The following KCNMB3 variants were observed in gnomAD, a reference collection of about 807,000 sequenced individuals.
KCNMB3 encodes potassium calcium-activated channel subfamily M regulatory beta subunit 3, also known as calcium-activated potassium channel subunit beta-3.
KCNMB3 carries 18 observed loss-of-function variants against 11.9 expected under a neutral mutation model. That is an observed-to-expected ratio of 1.51 (90% CI 1.04 to 2.23). The LOEUF (loss-of-function observed/expected upper bound fraction) is 2.23, where lower values mean the gene tolerates loss of function less well. Among genes scored for constraint, KCNMB3 ranks in the 30% most tolerant of loss-of-function variants. The pLI is 0.00. For missense variants in KCNMB3, 247 were observed against 329.4 expected, an observed-to-expected ratio of 0.75 and a Z score of 1.94; for synonymous variants, 78 against 119.2, an observed-to-expected ratio of 0.65 and a Z score of 2.25.
chr3:179,252,623 G>A (rs1576959738), upstream of KCNMB3, among the ~76,000 whole-genome samples: 1 of 151,850 alleles, frequency 6.6e-6, no homozygotes. Flanking sequence ...GGGACCCGAG[G>A]ATCTAGTTTA....
At chr3:179,249,054 C>G (rs1725744172) in intron 1 of KCNMB3, among the ~76,000 whole-genome samples, 1 of 147,762 alleles carries the variant, frequency 6.8e-6, no homozygotes, top group Non-Finnish European at 1.5e-5. Context: ...GCTCAGTCAC[C>G]CAGGCTGGAG....
At chr3:179,250,718 T>C (rs375692007) in intron 1 of KCNMB3, 25 bp downstream of exon 1, 16 of 1,612,096 alleles carry the variant, frequency 9.9e-6, no homozygotes, top group Admixed American at 8.3e-5. Flanking sequence ...TTGGAAACTC[T>C]AGATTTCCTT....
At chr3:179,242,029 G>C (rs970071290), downstream of KCNMB3, 5 of 154,086 alleles carry the variant, frequency 3.2e-5, no homozygotes, top group African/African-American at 1.2e-4. Flanking sequence ...ACATGACAAG[G>C]CTAAATACTA....
At chr3:179,259,773 T>A in intron 1 of KCNMB3, 1 of 1,601,742 alleles carries the variant, frequency 6.2e-7, no homozygotes, top group Admixed American at 1.8e-5. Context: ...CTCTCCCTGT[T>A]GGTCATTCTT....
chr3:179,258,069 A>G (rs755805071), intron 1 of KCNMB3, among the ~76,000 whole-genome samples: 1 of 151,938 alleles, frequency 6.6e-6, no homozygotes, highest in African/African-American at 2.4e-5. Context: ...TATTTTTCGT[A>G]GAGACAGGGT....
chr3:179,261,548 C>G (rs1007127644), intron 1 of KCNMB3, among the ~76,000 whole-genome samples: 4 of 151,894 alleles, frequency 2.6e-5, no homozygotes, highest in African/African-American at 7.2e-5. Flanking sequence ...GGGGCTCGGG[C>G]GCCTCCGCCC....
At chr3:179,259,460 A>G in intron 1 of KCNMB3, 2 of 1,612,938 alleles carry the variant, frequency 1.2e-6, no homozygotes, top group Non-Finnish European at 1.7e-6. Context: ...CTGTTTTTAC[A>G]TCATTGCCTT....
chr3:179,252,923 G>A (rs1029398258), upstream of KCNMB3, among the ~76,000 whole-genome samples: 24 of 151,728 alleles, frequency 1.6e-4, no homozygotes, highest in Non-Finnish European at 2.9e-5. Flanking sequence ...GTAGAGACGG[G>A]GTTTCACTGT....
At chr3:179,262,482 G>C (rs1008177800) in intron 1 of KCNMB3, among the ~76,000 whole-genome samples, 5 of 152,190 alleles carry the variant, frequency 3.3e-5, no homozygotes, top group Non-Finnish European at 7.3e-5. Flanking sequence ...AAGGCAGCGT[G>C]GACCCAAAGA....
chr3:179,256,474 A>G (rs1162070279), upstream of KCNMB3, among the ~76,000 whole-genome samples: 1 of 152,050 alleles, frequency 6.6e-6, no homozygotes, highest in African/African-American at 2.4e-5. Flanking sequence ...AAATAATAAT[A>G]ATAGTAATTA....
At chr3:179,260,899 T>C (rs1054898185) in intron 1 of KCNMB3, 2 of 1,152,164 alleles carry the variant, frequency 1.7e-6, no homozygotes, top group Admixed American at 1.9e-5. Flanking sequence ...TTTCATTGTC[T>C]AACTGAGCAT....
At chr3:179,240,094 CT>C, downstream of KCNMB3, 3 of 1,445,616 alleles carry the variant, frequency 2.1e-6, no homozygotes, top group South Asian at 1.3e-5. Flanking sequence ...AGAAAAATTA[CT>C]TTTTGTGTCC....
chr3:179,242,212 T>G (rs541819402), downstream of KCNMB3: 3 of 152,306 alleles, frequency 2.0e-5, no homozygotes, highest in Non-Finnish European at 2.9e-5. Flanking sequence ...CTGACCAACA[T>G]GGTGAAACCC....
At chr3:179,256,607 G>C (rs143988106), upstream of KCNMB3, among the ~76,000 whole-genome samples, 1 of 152,034 alleles carries the variant, frequency 6.6e-6, no homozygotes, top group Non-Finnish European at 1.5e-5. Flanking sequence ...TTAATTTCAT[G>C]TTGAAAAGTT....
At chr3:179,251,306 T>C (rs1156933113), upstream of KCNMB3, 1 of 1,445,874 alleles carries the variant, frequency 6.9e-7, no homozygotes. Context: ...CATTCTCCTT[T>C]GAATTCCACA....
chr3:179,248,745 A>C (rs1414365805), intron 1 of KCNMB3, among the ~76,000 whole-genome samples: 5 of 151,432 alleles, frequency 3.3e-5, no homozygotes, highest in Admixed American at 3.3e-4. Context: ...AAAAAAAAAA[A>C]CTTAACTACT....
At position 179,244,589 on chromosome 3, in the gene KCNMB3, T is replaced by G; in HGVS notation, c.353A>C (p.Lys118Thr). The G allele has an allele frequency of 6.2e-7, 1 of 1,614,224 alleles. No individual in the cohort carries two copies. The highest frequency in any genetic ancestry group is 8.5e-7 in the Non-Finnish European group (1 of 1,180,038). ...CACAAACACCTGAAGACACGGGTACTTCCCCTGACCGTGGCAGTGCACACC... is the reference window on the plus strand; with the variant it reads ...CACAAACACCTGAAGACACGGGTACGTCCCCTGACCGTGGCAGTGCACACC... ...TCGVHCHGQG[K>T]YPCLQVFVNL... The change falls in exon 2 of 3, where the codon AAG becomes ACG. Residue 118 changes from lysine (K) to threonine (T), a missense_variant. Physicochemically the swap from Lys to Thr is moderately conservative, Grantham distance 78. Around this residue, in one of 2 missense-constraint regions of KCNMB3, gnomAD observed 160 missense variants for 157.5 expected, o/e 1.02. Transcript: ENST00000392685.
upstream of KCNMB3, among the ~76,000 whole-genome samples, chr3:179,253,666 C>A (rs1011233350): frequency 1.3e-5 from 2 of 152,006 alleles, no homozygotes; most frequent in African/African-American, 4.8e-5. Flanking sequence ...TTTAGCCAGG[C>A]ACGGTGGCAT....
chr3:179,257,984 A>G lies in KCNMB3; in HGVS notation c.63-7050T>C, dbSNP rs142318979. 4.9e-3 allele frequency among the ~76,000 whole-genome samples: 747 copies of G among 152,242 alleles called. 5 individuals are homozygous for G. The highest frequency in any genetic ancestry group is 0.014 in the Middle Eastern group (4 of 294). On this transcript the variant is annotated intron_variant, in intron 1 of 3. Coordinates refer to the KCNMB3 transcript ENST00000349697. ...ACTGCAATCTCCGCCTCGCAGGTTC[A>G]AGCGATTCTCCTGCCTCAGCCTCCG... is the stretch of plus-strand genomic sequence containing the variant.
Sources: gnomAD v4.1 joint callset for allele counts (sites outside exome capture counted in the v4.1 genomes callset) on GRCh38, gnomAD v4.1.1 for gene constraint, gnomAD v4.1.1 regional missense constraint, MANE v1.5 for transcripts, NCBI Gene and HGNC (gene_info 2026-07-23, HGNC 2026-07-21) for gene names.